Variants in SNTG1 observed in about 807,000 individuals in gnomAD.
SNTG1 encodes the protein gamma-1-syntrophin.
Under a neutral mutation model 74.7 loss-of-function variants are expected in SNTG1, and 39 were observed. The ratio of observed to expected loss-of-function variants is 0.52; its 90% CI spans 0.40 to 0.68. The LOEUF is 0.68. Among genes scored for constraint, SNTG1 ranks in the 30% least tolerant of loss-of-function variants. The probability of loss-of-function intolerance (pLI) is 0.00; values close to 1 mark genes in which losing one functional copy is unlikely to be tolerated. For synonymous variants in SNTG1, 254 were observed against 217.1 expected (o/e 1.17, Z -1.49); for missense variants, 685 against 609.5 (o/e 1.12, Z -1.30).
chr8:50,740,999 G>A (rs1486734837), intron 17 of SNTG1, among the ~76,000 whole-genome samples: 1 of 152,026 alleles, frequency 6.6e-6, no homozygotes, highest in Non-Finnish European at 1.5e-5. Context: ...GAGGACGGAG[G>A]TTTGGAGAAG....
At chr8:50,617,752 G>A (rs2094895003) in intron 13 of SNTG1, among the ~76,000 whole-genome samples, 1 of 152,156 alleles carries the variant, frequency 6.6e-6, no homozygotes, top group Non-Finnish European at 1.5e-5. Flanking sequence ...GGGGCTGCAT[G>A]CACCAGTAAT....
chr8:50,467,049 T>C (rs2093614122), intron 8 of SNTG1, among the ~76,000 whole-genome samples: 1 of 151,996 alleles, frequency 6.6e-6, no homozygotes, highest in African/African-American at 2.4e-5. Context: ...ACTCTTTTTA[T>C]ACATTATTCA....
At chr8:50,652,414 A>G (rs1585966117) in intron 13 of SNTG1, among the ~76,000 whole-genome samples, 1 of 152,310 alleles carries the variant, frequency 6.6e-6, no homozygotes, top group South Asian at 2.1e-4. Flanking sequence ...ATAGTTATTC[A>G]ATGAATTGTG....
At chr8:50,706,798 A>G (rs570982910) in intron 16 of SNTG1, among the ~76,000 whole-genome samples, 4 of 152,152 alleles carry the variant, frequency 2.6e-5, no homozygotes, top group Non-Finnish European at 4.4e-5. Flanking sequence ...GAACCTTAAC[A>G]CGTTTTTCTT....
intron 1 of SNTG1, among the ~76,000 whole-genome samples, chr8:49,965,189 G>A (rs1430133694): frequency 2.0e-5 from 3 of 150,748 alleles, no homozygotes; most frequent in African/African-American, 4.9e-5. Context: ...TACCTATGAG[G>A]GTGATAAAAG....
At chr8:50,265,100 A>T (rs1215751132) in intron 2 of SNTG1, among the ~76,000 whole-genome samples, 1 of 152,148 alleles carries the variant, frequency 6.6e-6, no homozygotes, top group East Asian at 1.9e-4. Flanking sequence ...CTAAATATTT[A>T]AAAAAGAGTG....
intron 18 of SNTG1, among the ~76,000 whole-genome samples, chr8:50,755,932 C>A (rs1381617422): frequency 1.3e-5 from 2 of 150,376 alleles, no homozygotes; most frequent in African/African-American, 4.9e-5. Context: ...AGGTTTCTGG[C>A]CCATTTTTAA....
At chr8:49,937,422 A>G (rs1482769935) in intron 1 of SNTG1, among the ~76,000 whole-genome samples, 3 of 152,198 alleles carry the variant, frequency 2.0e-5, no homozygotes, top group South Asian at 2.1e-4. Flanking sequence ...TACACTTTAA[A>G]TATGTGCAGT....
intron 1 of SNTG1, among the ~76,000 whole-genome samples, chr8:50,107,648 T>G (rs560077294): frequency 6.0e-4 from 92 of 152,120 alleles, no homozygotes; most frequent in Non-Finnish European, 1.1e-3. Context: ...CTTCCTAGGT[T>G]CAAGCAATTC....
chr8:50,611,374 A>T (rs2094848702), intron 13 of SNTG1, among the ~76,000 whole-genome samples: 1 of 152,178 alleles, frequency 6.6e-6, no homozygotes, highest in African/African-American at 2.4e-5. Context: ...CAGACAGAGA[A>T]CAGAGGGTAG....
At chr8:50,633,366 T>C (rs1155813) in intron 13 of SNTG1, among the ~76,000 whole-genome samples, 60,896 of 152,030 alleles carry the variant, frequency 0.4, 16,946 homozygotes, top group African/African-American at 0.79. Flanking sequence ...TACATTTATG[T>C]TTCTGCCCTG....
chr8:50,016,818 T>G (rs535521612), intron 1 of SNTG1, among the ~76,000 whole-genome samples: 55 of 152,222 alleles, frequency 3.6e-4, no homozygotes, highest in Admixed American at 3.3e-4. Flanking sequence ...TATTTAAGAA[T>G]GTATTCCAAT....
chr8:50,171,700 C>T (rs901885672), intron 1 of SNTG1, among the ~76,000 whole-genome samples: 2 of 152,160 alleles, frequency 1.3e-5, no homozygotes, highest in African/African-American at 2.4e-5. Flanking sequence ...TAAGGGTTCT[C>T]GACTTAGCTG....
At chr8:50,097,651 C>CAA (rs1160437265) in intron 1 of SNTG1, among the ~76,000 whole-genome samples, 1 of 117,094 alleles carries the variant, frequency 8.5e-6, no homozygotes, top group Non-Finnish European at 1.8e-5. Context: ...GACTCCGTCT[C>CAA]AAAAAAAAAA....
chr8:49,987,842 G>T (rs561716857), intron 1 of SNTG1, among the ~76,000 whole-genome samples: 2 of 151,880 alleles, frequency 1.3e-5, no homozygotes, highest in African/African-American at 4.8e-5. Flanking sequence ...TAGAGCCGGG[G>T]TTTCACCGTG....
At chr8:50,230,870 A>G (rs568487038) in intron 2 of SNTG1, among the ~76,000 whole-genome samples, 1 of 150,824 alleles carries the variant, frequency 6.6e-6, no homozygotes, top group Non-Finnish European at 1.5e-5. Flanking sequence ...CTCAAAAACC[A>G]CAGTCAACAA....
chr8:50,399,498 C>T (rs1286163974), intron 3 of SNTG1, among the ~76,000 whole-genome samples: 1 of 152,180 alleles, frequency 6.6e-6, no homozygotes, highest in Non-Finnish European at 1.5e-5. Context: ...AAAAGTATAT[C>T]TCTGGGCTTT....
At chr8:49,925,089 G>T (rs538604596) in intron 1 of SNTG1, among the ~76,000 whole-genome samples, 32 of 152,136 alleles carry the variant, frequency 2.1e-4, no homozygotes, top group Non-Finnish European at 3.8e-4. Context: ...GGAGTTCAAG[G>T]CTGCAGTGAG....
intron 12 of SNTG1, among the ~76,000 whole-genome samples, chr8:50,562,549 C>G (rs977876207): frequency 6.6e-6 from 1 of 152,134 alleles, no homozygotes; most frequent in African/African-American, 2.4e-5. Flanking sequence ...CAATTTCTCC[C>G]CTGTTTGATT....
Sources: allele counts gnomAD v4.1 joint callset (sites outside exome capture counted in the v4.1 genomes callset), GRCh38; gene constraint gnomAD v4.1.1; transcripts MANE v1.5; gene names NCBI Gene and HGNC (gene_info 2026-07-23, HGNC 2026-07-21).